The following ADAMTS9 variants were observed in gnomAD, a reference collection of about 807,000 sequenced individuals.
ADAMTS9 encodes the protein ADAM metallopeptidase with thrombospondin type 1 motif 9, also known as A disintegrin and metalloproteinase with thrombospondin motifs 9.
ADAMTS9 carries 107 observed loss-of-function variants against 257.1 expected under a neutral mutation model. The observed-to-expected ratio is 0.42, with a 90% CI of 0.36 to 0.49. The LOEUF is 0.49. ADAMTS9 is among the 20% of genes least tolerant of loss of function. ADAMTS9 has a pLI of 0.03. For missense variants in ADAMTS9, 2,353 were observed against 2,469.1 expected (o/e 0.95, Z 1.00); for synonymous variants, 982 against 880.9 (o/e 1.11, Z -2.03).
chr3:64,631,314 T>C, intron 16 of ADAMTS9, 141 bp downstream of exon 16: 1 of 679,194 alleles, frequency 1.5e-6, no homozygotes, highest in South Asian at 1.8e-5. Flanking sequence ...AATACAATGG[T>C]GAATTTTGAG....
intron 38 of ADAMTS9, among the ~76,000 whole-genome samples, chr3:64,532,800 A>G (rs559660913): frequency 1.3e-5 from 2 of 152,312 alleles, no homozygotes; most frequent in African/African-American, 2.4e-5. Flanking sequence ...AGAAGAGGTC[A>G]TTTCCCCTCG....
Position 64,658,726 on chromosome 3 carries a change from T to A in ADAMTS9, c.745A>T (p.Asn249Tyr). 1.2e-6 allele frequency: 2 copies of A among 1,614,212 alleles called. No homozygotes were observed. Among genetic ancestry groups the A allele is most frequent in the Non-Finnish European group, 1.7e-6 (2 of 1,180,040 alleles). Reference protein sequence around the residue: ...TRARKWGERINLAGDVAALNS... With the variant: ...TRARKWGERIYLAGDVAALNS... The stretch of plus-strand genomic sequence containing the variant: ...AATGCTGCTACGTCACCAGCCAGGT[T>A]AATCCTTTCTCCCCATTTTCTTGCT... The change falls in exon 4 of 40, where the codon AAC becomes TAC. Residue 249 changes from asparagine (N) to tyrosine (Y), a missense_variant. By Grantham distance (143) the Asn-to-Tyr change is moderately radical (BLOSUM62 -2). Transcript: ENST00000498707.
At chr3:64,585,696 C>T (rs113216371) in intron 28 of ADAMTS9, among the ~76,000 whole-genome samples, 2 of 152,248 alleles carry the variant, frequency 1.3e-5, no homozygotes, top group African/African-American at 4.8e-5. Flanking sequence ...TCCTGACTAT[C>T]TATATATCTA....
At chr3:64,540,239 G>T (rs1288472161) in intron 36 of ADAMTS9, among the ~76,000 whole-genome samples, 1 of 152,214 alleles carries the variant, frequency 6.6e-6, no homozygotes, top group Admixed American at 6.5e-5. Context: ...GAAATTTAAA[G>T]TATCTTGGTA....
At chr3:64,630,288 G>A (rs1446525572) in intron 16 of ADAMTS9, among the ~76,000 whole-genome samples, 3 of 152,220 alleles carry the variant, frequency 2.0e-5, no homozygotes, top group African/African-American at 4.8e-5. Context: ...ACTGGGCTGG[G>A]CATGGTGGCT....
At chr3:64,677,077 C>A (rs76954794) in intron 3 of ADAMTS9, among the ~76,000 whole-genome samples, 2 of 152,112 alleles carry the variant, frequency 1.3e-5, no homozygotes, top group Admixed American at 1.3e-4. Flanking sequence ...GGGAAGGATC[C>A]GCAGGAAGTG....
chr3:64,618,455 C>T (rs574792423), intron 19 of ADAMTS9, among the ~76,000 whole-genome samples: 1 of 152,234 alleles, frequency 6.6e-6, no homozygotes, highest in Admixed American at 6.5e-5. Flanking sequence ...AGAACTGAAG[C>T]CCTAATTACA....
chr3:64,618,928 A>G (rs1213454311), intron 19 of ADAMTS9, among the ~76,000 whole-genome samples: 2 of 152,116 alleles, frequency 1.3e-5, no homozygotes, highest in African/African-American at 2.4e-5. Context: ...TGCAGGAGAA[A>G]CTTTGGAGAA....
chr3:64,597,252 C>T (rs2084384026), intron 26 of ADAMTS9, among the ~76,000 whole-genome samples: 1 of 152,162 alleles, frequency 6.6e-6, no homozygotes, highest in African/African-American at 2.4e-5. Context: ...TCCATAAATG[C>T]CTAATGTGAC....
chr3:64,530,280 G>A lies in ADAMTS9; in HGVS notation c.5718+2886C>T, dbSNP rs369809960. Among the ~76,000 whole-genome samples the A allele has an allele frequency of 2.1e-4, 29 of 136,582 alleles. No homozygotes were observed. In the East Asian group the frequency reaches 4.9e-3, roughly 23 times the overall value. 89.6% of individuals were successfully genotyped at this position (136,582 alleles called of 152,430 possible). On this transcript the variant is annotated intron_variant, in intron 38 of 39. Coordinates refer to ENST00000498707, the MANE Select transcript of ADAMTS9 (RefSeq NM_182920.2). Reference sequence around the variant, plus strand: ...GCTAATGCTTACTGTGACTCTTCAGGAAGGAAATACAATATACTAGCATTT... The same window carrying A: ...GCTAATGCTTACTGTGACTCTTCAGAAAGGAAATACAATATACTAGCATTT...
At chr3:64,679,443 T>C (rs1328976356) in intron 3 of ADAMTS9, among the ~76,000 whole-genome samples, 2 of 152,210 alleles carry the variant, frequency 1.3e-5, no homozygotes, top group African/African-American at 4.8e-5. Flanking sequence ...ACAACAGAGT[T>C]AGGAATGGTA....
chr3:64,588,140 A>G (rs2084193862), intron 28 of ADAMTS9: 1 of 152,206 alleles, frequency 6.6e-6, no homozygotes, highest in East Asian at 1.9e-4. Flanking sequence ...AAGCAAAGAT[A>G]AAATTGCTAA....
chr3:64,528,339 A>T (rs867694219), intron 38 of ADAMTS9, among the ~76,000 whole-genome samples: 2 of 152,130 alleles, frequency 1.3e-5, no homozygotes, highest in Admixed American at 1.3e-4. Flanking sequence ...CACGTTGGAG[A>T]GTTGAGGGTA....
chr3:64,627,350 T>C (rs1485094007), intron 16 of ADAMTS9, among the ~76,000 whole-genome samples: 1 of 151,370 alleles, frequency 6.6e-6, no homozygotes, highest in African/African-American at 2.4e-5. Flanking sequence ...CCGTGATAAA[T>C]GGTTTGGCCC....
At chr3:64,641,781 T>C in intron 12 of ADAMTS9, 67 bp downstream of exon 12, 1 of 1,588,010 alleles carries the variant, frequency 6.3e-7, no homozygotes. Flanking sequence ...ACCCACCAAA[T>C]TATTCCCTTT....
intron 22 of ADAMTS9, among the ~76,000 whole-genome samples, chr3:64,608,091 G>A: frequency 6.6e-6 from 1 of 150,802 alleles, no homozygotes; most frequent in Non-Finnish European, 1.5e-5. Context: ...TAAAATGAAA[G>A]CAGAATATAA....
chr3:64,576,038 T>C (rs1030332899), intron 28 of ADAMTS9, among the ~76,000 whole-genome samples: 3 of 152,188 alleles, frequency 2.0e-5, no homozygotes, highest in Non-Finnish European at 4.4e-5. Context: ...TGCTTTTCTT[T>C]CCAAAGTTCC....
Position 64,517,088 on chromosome 3 carries a change from T to C in ADAMTS9, c.*39A>G, listed in dbSNP as rs1195927334. The C allele has an allele frequency of 1.3e-5, 2 of 152,632 alleles. No homozygotes were observed. Among genetic ancestry groups the C allele is most frequent in the Admixed American group, 1.3e-4 (2 of 15,278 alleles). 9.5% of individuals were successfully genotyped at this position (152,632 alleles called of 1,614,324 possible). On this transcript the variant is annotated 3_prime_UTR_variant, in exon 40 of 40. Transcript: ENST00000498707. ...GGTGGAGGTATTGCATTACTATCCT[T>C]CATCCATCCATAATGGCTTCCTCTT...
chr3:64,594,713 C>T (rs2084330173), intron 27 of ADAMTS9, among the ~76,000 whole-genome samples: 1 of 152,182 alleles, frequency 6.6e-6, no homozygotes, highest in African/African-American at 2.4e-5. Flanking sequence ...TTTGCCCCAT[C>T]TTATATATGA....
Sources: allele counts gnomAD v4.1 joint callset (sites outside exome capture counted in the v4.1 genomes callset), GRCh38; gene constraint gnomAD v4.1.1; transcripts MANE v1.5; gene names NCBI Gene and HGNC (gene_info 2026-07-23, HGNC 2026-07-21).